The following KLRD1 variants were observed in gnomAD, a reference collection of about 807,000 sequenced individuals.
KLRD1 encodes the protein killer cell lectin like receptor D1, also known as natural killer cells antigen CD94.
A neutral mutation model predicts 22.6 loss-of-function variants in KLRD1; 21 were observed. The ratio of observed to expected loss-of-function variants is 0.93; its 90% CI spans 0.66 to 1.34. The LOEUF is 1.34. Among genes scored for constraint, KLRD1 ranks in the 40% most tolerant of loss-of-function variants. The pLI, the probability that KLRD1 is intolerant of heterozygous loss-of-function variation, is 0.00. For synonymous variants in KLRD1, 59 were observed against 71.1 expected (o/e 0.83, Z 0.85); for missense variants, 183 against 208.6 (o/e 0.88, Z 0.76).
At chr12:10,267,984 C>A (rs1009309539) in intron 1 of KLRD1, among the ~76,000 whole-genome samples, 1 of 152,116 alleles carries the variant, frequency 6.6e-6, no homozygotes, top group Non-Finnish European at 1.5e-5. Flanking sequence ...GCCTTGTAAA[C>A]CATGTTCAGG....
At chr12:10,309,518 C>CATCA in intron 2 of KLRD1, 38 bp downstream of exon 2, 1 of 1,311,014 alleles carries the variant, frequency 7.6e-7, no homozygotes, top group South Asian at 1.2e-5. Context: ...AAAATCAAAA[C>CATCA]TGTGAAGACA....
intron 1 of KLRD1, among the ~76,000 whole-genome samples, chr12:10,246,065 T>C (rs1949287946): frequency 6.6e-6 from 1 of 152,216 alleles, no homozygotes. Context: ...TTTCATCTCA[T>C]GATAGCATTT....
chr12:10,287,937 G>A (rs1198903142), intron 1 of KLRD1, among the ~76,000 whole-genome samples: 3 of 151,914 alleles, frequency 2.0e-5, no homozygotes, highest in East Asian at 1.9e-4. Context: ...GCGTGGTGGC[G>A]GGCGCCTGTA....
At chr12:10,296,872 C>T (rs999772608) in intron 1 of KLRD1, among the ~76,000 whole-genome samples, 4 of 152,192 alleles carry the variant, frequency 2.6e-5, no homozygotes, top group Non-Finnish European at 5.9e-5. Flanking sequence ...TCTCTACTCT[C>T]TTTTTACTGG....
At chr12:10,313,215 C>A (rs60414299) in intron 4 of KLRD1, among the ~76,000 whole-genome samples, 195 bp from the exon 5 acceptor site, 2,661 of 152,056 alleles carry the variant, frequency 0.018, 68 homozygotes, top group African/African-American at 0.06. Flanking sequence ...TATTTTTTCT[C>A]CATATATGAA....
chr12:10,301,346 A>G (rs138022218), upstream of KLRD1, among the ~76,000 whole-genome samples: 183 of 152,278 alleles, frequency 1.2e-3, no homozygotes, highest in African/African-American at 4.3e-3. Context: ...AAAACCACCA[A>G]TGCCACCCAG....
At chr12:10,266,865 C>CTTTTTTTTTTTTTTTTTTTTATTTTT (rs148285255) in intron 1 of KLRD1, among the ~76,000 whole-genome samples, 1 of 142,530 alleles carries the variant, frequency 7.0e-6, no homozygotes, top group African/African-American at 2.6e-5. Flanking sequence ...AGCCTTATTT[C>CTTTTTTTTTTTTTTTTTTTTATTTTT]TTTTTTTTGT....
chr12:10,301,516 A>G (rs1255677610), upstream of KLRD1, among the ~76,000 whole-genome samples: 2 of 152,126 alleles, frequency 1.3e-5, no homozygotes, highest in African/African-American at 4.8e-5. Flanking sequence ...TTCACAAAAA[A>G]TATTTGGGGC....
At chr12:10,272,018 TA>T (rs1949555360) in intron 1 of KLRD1, among the ~76,000 whole-genome samples, 1 of 152,204 alleles carries the variant, frequency 6.6e-6, no homozygotes, top group South Asian at 2.1e-4. Flanking sequence ...TTAGTAGTAG[TA>T]ATAATACCGG....
chr12:10,294,880 A>G (rs1274271606), intron 1 of KLRD1, among the ~76,000 whole-genome samples: 1 of 152,174 alleles, frequency 6.6e-6, no homozygotes, highest in Non-Finnish European at 1.5e-5. Context: ...TTATGTGACT[A>G]TATACGTTAT....
At chr12:10,267,851 T>C (rs1490863142) in intron 1 of KLRD1, among the ~76,000 whole-genome samples, 1 of 152,194 alleles carries the variant, frequency 6.6e-6, no homozygotes, top group East Asian at 1.9e-4. Context: ...ACAATAGTTA[T>C]GCAGTCACAC....
At chr12:10,254,025 A>G (rs1005910827) in intron 1 of KLRD1, among the ~76,000 whole-genome samples, 2 of 152,198 alleles carry the variant, frequency 1.3e-5, no homozygotes, top group Non-Finnish European at 2.9e-5. Flanking sequence ...GGACACAGAC[A>G]GGAATGGGCA....
At chr12:10,248,569 CCTTCCTTCCTT>C (rs1215341547) in intron 1 of KLRD1, among the ~76,000 whole-genome samples, 1 of 130,484 alleles carries the variant, frequency 7.7e-6, no homozygotes, top group Non-Finnish European at 1.6e-5. Flanking sequence ...TTCCTTCCTT[CCTTCCTTCCTT>C]CCTTCCCTTC....
At chr12:10,260,429 G>A (rs1391416302) in intron 1 of KLRD1, among the ~76,000 whole-genome samples, 1 of 151,666 alleles carries the variant, frequency 6.6e-6, no homozygotes, top group Non-Finnish European at 1.5e-5. Context: ...ATAGTATGTA[G>A]TTTGATATTT....
chr12:10,323,419 G>T lies in KLRD1; in HGVS notation c.*8626G>T, dbSNP rs533844926. Reference sequence around the variant, plus strand: ...AATTTCCATCTTCCAAATGAATAATGATGCTTATCCCTCATCTTTTTTTTT... The same window carrying T: ...AATTTCCATCTTCCAAATGAATAATTATGCTTATCCCTCATCTTTTTTTTT... On this transcript the variant is annotated 3_prime_UTR_variant, in exon 6 of 6. Transcript: ENST00000336164. The T allele has an allele frequency of 1.3e-4, 18 of 134,114 alleles. No individual in the cohort carries two copies. The South Asian group carries it at 5.0e-3, about 37-fold the overall frequency. 8.3% of individuals were successfully genotyped at this position (134,114 alleles called of 1,614,324 possible).
At chr12:10,256,444 T>G (rs74062131) in intron 1 of KLRD1, among the ~76,000 whole-genome samples, 1,833 of 80,432 alleles carry the variant, frequency 0.023, 31 homozygotes, top group African/African-American at 0.067. Context: ...TTTTTTTTTG[T>G]AGAGACACAT....
intron 1 of KLRD1, among the ~76,000 whole-genome samples, chr12:10,240,382 C>CT (rs1001366412): frequency 9.4e-5 from 14 of 148,934 alleles, no homozygotes; most frequent in East Asian, 5.9e-4. Context: ...TTCTACATGC[C>CT]TTTTTTTTTT....
chr12:10,267,217 C>T (rs912360776), intron 1 of KLRD1, among the ~76,000 whole-genome samples: 3 of 151,992 alleles, frequency 2.0e-5, no homozygotes, highest in South Asian at 2.1e-4. Flanking sequence ...CATGAAAATA[C>T]ACTTGCATTA....
chr12:10,293,707 G>T (rs2255542), intron 1 of KLRD1, among the ~76,000 whole-genome samples: 148,810 of 152,210 alleles, frequency 0.98, 72,827 homozygotes, highest in East Asian at 1. Flanking sequence ...AAAAAAAATG[G>T]CACTGATAGA....
Sources: allele counts gnomAD v4.1 joint callset (sites outside exome capture counted in the v4.1 genomes callset), GRCh38; gene constraint gnomAD v4.1.1; transcripts MANE v1.5; gene names NCBI Gene and HGNC (gene_info 2026-07-23, HGNC 2026-07-21).